KCNH7: variants seen among roughly 807,000 people sequenced by gnomAD.
KCNH7 encodes voltage-gated inwardly rectifying potassium channel KCNH7.
A neutral mutation model predicts 120.8 loss-of-function variants in KCNH7; 49 were observed. The ratio of observed to expected loss-of-function variants is 0.41; its 90% CI spans 0.32 to 0.51. The LOEUF is 0.51. Among genes scored for constraint, KCNH7 ranks in the 20% least tolerant of loss-of-function variants. The pLI, the probability that KCNH7 is intolerant of heterozygous loss-of-function variation, is 0.38. For missense variants in KCNH7, 1,097 were observed against 1,446.6 expected (o/e 0.76, Z 3.92); for synonymous variants, 547 against 516.1 (o/e 1.06, Z -0.81).
At chr2:162,790,039 A>G (rs1339311137) in intron 2 of KCNH7, among the ~76,000 whole-genome samples, 1 of 152,086 alleles carries the variant, frequency 6.6e-6, no homozygotes, top group East Asian at 1.9e-4. Flanking sequence ...GATAAGATCA[A>G]TAAAAATAGG....
rs79890307 is a variant in KCNH7 at position 162,378,715 on chromosome 2, G to A, written c.3131+1138C>T. 5.4e-3 allele frequency among the ~76,000 whole-genome samples: 817 copies of A among 152,262 alleles called. 5 individuals carry two copies. Among genetic ancestry groups the A allele is most frequent in the Admixed American group, 0.01 (156 of 15,294 alleles). ...GTAAACAACCGTCATCCCAAAATGT[G>A]GTCACCCATTGGTGATATCAGTATC... On this transcript the variant is annotated intron_variant, in intron 14 of 15. Coordinates refer to ENST00000332142, the MANE Select transcript of KCNH7 (RefSeq NM_033272.4).
At chr2:162,425,829 A>G (rs185213052) in intron 8 of KCNH7, among the ~76,000 whole-genome samples, 1 of 152,180 alleles carries the variant, frequency 6.6e-6, no homozygotes, top group African/African-American at 2.4e-5. Context: ...AAATTAACCA[A>G]AATGTTAGTT....
intron 2 of KCNH7, among the ~76,000 whole-genome samples, chr2:162,814,501 A>G (rs1291107569): frequency 6.6e-6 from 1 of 152,208 alleles, no homozygotes; most frequent in Non-Finnish European, 1.5e-5. Flanking sequence ...CGTTTGGAAC[A>G]AAGACTTGTT....
chr2:162,788,971 T>C (rs1226604105), intron 2 of KCNH7, among the ~76,000 whole-genome samples: 1 of 127,940 alleles, frequency 7.8e-6, no homozygotes, highest in Admixed American at 9.3e-5. Context: ...GATGGGATGA[T>C]ATAGTCAGGT....
chr2:162,720,370 A>G (rs936175248), intron 2 of KCNH7, among the ~76,000 whole-genome samples: 2 of 151,584 alleles, frequency 1.3e-5, no homozygotes, highest in Non-Finnish European at 2.9e-5. Context: ...CAATGAACCA[A>G]AGGATGAACC....
intron 2 of KCNH7, among the ~76,000 whole-genome samples, chr2:162,573,205 A>G (rs1025095524): frequency 2.0e-5 from 3 of 152,078 alleles, no homozygotes; most frequent in Admixed American, 2.0e-4. Flanking sequence ...AAATAGGATC[A>G]TGTGTAGAAA....
chr2:162,706,442 G>A (rs1314437733), intron 2 of KCNH7, among the ~76,000 whole-genome samples: 1 of 151,854 alleles, frequency 6.6e-6, no homozygotes, highest in African/African-American at 2.4e-5. Context: ...TCTATAAGAG[G>A]GACCTTATTT....
intron 9 of KCNH7, among the ~76,000 whole-genome samples, chr2:162,411,978 T>C (rs1339271148): frequency 6.6e-6 from 1 of 151,718 alleles, no homozygotes; most frequent in Non-Finnish European, 1.5e-5. Flanking sequence ...CCAAATTAAA[T>C]CAAACTACAA....
At chr2:162,824,620 C>A (rs1348231410) in intron 2 of KCNH7, among the ~76,000 whole-genome samples, 3 of 152,046 alleles carry the variant, frequency 2.0e-5, no homozygotes, top group Admixed American at 6.6e-5. Context: ...CATTTCAATA[C>A]TATTATATTG....
chr2:162,650,238 G>A (rs560032553), intron 2 of KCNH7, among the ~76,000 whole-genome samples: 2 of 152,144 alleles, frequency 1.3e-5, no homozygotes, highest in East Asian at 3.9e-4. Flanking sequence ...CTTCTCCATG[G>A]TCAAAAATAA....
chr2:162,419,499 G>T (rs1244112389), intron 9 of KCNH7, among the ~76,000 whole-genome samples: 1 of 151,998 alleles, frequency 6.6e-6, no homozygotes, highest in Non-Finnish European at 1.5e-5. Context: ...TTGCAGAGAG[G>T]TTAAGTGACT....
intron 2 of KCNH7, among the ~76,000 whole-genome samples, chr2:162,791,744 C>T (rs1168248589): frequency 6.6e-6 from 1 of 152,126 alleles, no homozygotes; most frequent in Non-Finnish European, 1.5e-5. Flanking sequence ...AGTTTGAATT[C>T]TTCTCTTCCT....
chr2:162,714,872 T>C (rs1400963145), intron 2 of KCNH7, among the ~76,000 whole-genome samples: 2 of 152,224 alleles, frequency 1.3e-5, no homozygotes, highest in Non-Finnish European at 2.9e-5. Context: ...TTACGGGCTA[T>C]ATAAAAAGAG....
rs573972954 is a variant in KCNH7 at position 162,677,088 on chromosome 2, A to C, written c.308-140008T>G. ...AATTTAATTAACTGAATGTAAAATG[A>C]TTATTTTAAAGGACAGCAATCACAG... is the stretch of plus-strand genomic sequence containing the variant. On this transcript the variant is annotated intron_variant, in intron 2 of 15. Transcript: ENST00000332142. Among the ~76,000 whole-genome samples the C allele has an allele frequency of 9.2e-5, 14 of 151,660 alleles. No homozygotes were observed. The East Asian group carries it at 2.7e-3, about 29-fold the overall frequency.
intron 2 of KCNH7, among the ~76,000 whole-genome samples, chr2:162,591,572 T>A (rs553619053): frequency 6.6e-6 from 1 of 152,138 alleles, no homozygotes; most frequent in South Asian, 2.1e-4. Context: ...GCAATTAATT[T>A]GCATGCAGTG....
At chr2:162,628,316 C>A (rs986194148) in intron 2 of KCNH7, among the ~76,000 whole-genome samples, 4 of 152,074 alleles carry the variant, frequency 2.6e-5, no homozygotes, top group African/African-American at 9.7e-5. Flanking sequence ...ATTAACCAGA[C>A]ACAAGCAAAG....
chr2:162,401,668 T>C (rs952546014), intron 9 of KCNH7, among the ~76,000 whole-genome samples: 4 of 151,934 alleles, frequency 2.6e-5, no homozygotes, highest in African/African-American at 7.2e-5. Context: ...GTGGTCAGAC[T>C]GATATATTAT....
chr2:162,422,669 G>A (rs1013961884), intron 9 of KCNH7, among the ~76,000 whole-genome samples: 1 of 152,050 alleles, frequency 6.6e-6, no homozygotes, highest in African/African-American at 2.4e-5. Context: ...AGTGATACAG[G>A]AAGGGAGGTT....
chr2:162,449,168 G>A (rs1688682207), intron 6 of KCNH7, among the ~76,000 whole-genome samples: 1 of 152,006 alleles, frequency 6.6e-6, no homozygotes, highest in Non-Finnish European at 1.5e-5. Context: ...GTAGAGGACG[G>A]CCATGGAGAG....
Sources: allele counts gnomAD v4.1 joint callset (sites outside exome capture counted in the v4.1 genomes callset), GRCh38; gene constraint gnomAD v4.1.1; transcripts MANE v1.5; gene names NCBI Gene and HGNC (gene_info 2026-07-23, HGNC 2026-07-21).